MYO1D: variants seen among roughly 807,000 people sequenced by gnomAD.
MYO1D encodes unconventional myosin-Id.
A neutral mutation model predicts 122.0 loss-of-function variants in MYO1D; 83 were observed. The observed-to-expected ratio is 0.68, with a 90% CI of 0.57 to 0.82. The LOEUF (loss-of-function observed/expected upper bound fraction) is 0.82, where lower values mean the gene tolerates loss of function less well. MYO1D is among the 40% of genes least tolerant of loss of function. The pLI, the probability that MYO1D is intolerant of heterozygous loss-of-function variation, is 0.00. For missense variants in MYO1D, 1,157 were observed against 1,269.5 expected (o/e 0.91, Z 1.35); for synonymous variants, 464 against 446.9 (o/e 1.04, Z -0.48).
intron 21 of MYO1D, among the ~76,000 whole-genome samples, chr17:32,591,144 G>A (rs2087435104): frequency 6.6e-6 from 1 of 152,254 alleles, no homozygotes; most frequent in Admixed American, 6.5e-5. Context: ...CCGCTTCTCA[G>A]TGCAGATGGG....
intron 15 of MYO1D, among the ~76,000 whole-genome samples, chr17:32,719,866 G>C (rs1211898294): frequency 2.6e-5 from 4 of 152,142 alleles, no homozygotes; most frequent in Admixed American, 2.6e-4. Flanking sequence ...CCACTGTCCT[G>C]TCAGTGTCCT....
intron 21 of MYO1D, among the ~76,000 whole-genome samples, chr17:32,524,785 A>G (rs1455596317): frequency 6.6e-6 from 1 of 150,924 alleles, no homozygotes; most frequent in Non-Finnish European, 1.5e-5. Flanking sequence ...CTGGTCTTGA[A>G]CTCCTGACCT....
intron 15 of MYO1D, among the ~76,000 whole-genome samples, chr17:32,719,351 CTT>C (rs371411083): frequency 7.3e-5 from 10 of 137,128 alleles, no homozygotes; most frequent in Admixed American, 2.2e-4. Flanking sequence ...TCTCCTTGCC[CTT>C]TTTTTTTTTT....
In MYO1D at chr17:32,592,014, C is replaced by A. The variant is rs1005292861; in HGVS notation, c.2864+13073G>T. Among the ~76,000 whole-genome samples, 6 of 152,178 alleles carry A rather than the reference C, an allele frequency of 3.9e-5. No homozygotes were observed. In the South Asian group the frequency reaches 6.2e-4, roughly 16 times the overall value. ...ATGGAAATACCATCAAGTATTTAAT[C>A]ATGTTTGTTTTGATGAACTTTTATA... On this transcript the variant is annotated intron_variant, in intron 21 of 21. Coordinates refer to ENST00000318217, the MANE Select transcript of MYO1D (RefSeq NM_015194.3).
chr17:32,730,098 AG>A, intron 14 of MYO1D, among the ~76,000 whole-genome samples: 1 of 148,400 alleles, frequency 6.7e-6, no homozygotes. Context: ...TTTTGGGGGC[AG>A]GGAGGATTCT....
At chr17:32,577,709 A>G (rs867191475) in intron 21 of MYO1D, among the ~76,000 whole-genome samples, 3 of 151,962 alleles carry the variant, frequency 2.0e-5, no homozygotes, top group South Asian at 2.1e-4. Flanking sequence ...TCCAACAGAC[A>G]GAACTTTCAA....
intron 17 of MYO1D, among the ~76,000 whole-genome samples, chr17:32,656,424 T>C (rs2088477604): frequency 6.6e-6 from 1 of 152,104 alleles, no homozygotes; most frequent in South Asian, 2.1e-4. Context: ...CTCTACTCAG[T>C]GGAAGGAGAA....
intron 16 of MYO1D, among the ~76,000 whole-genome samples, chr17:32,694,641 C>CA (rs2089147713): frequency 7.7e-6 from 1 of 129,570 alleles, no homozygotes. Context: ...GCGGAGCTTG[C>CA]AGTGAGCCGA....
intron 16 of MYO1D, among the ~76,000 whole-genome samples, chr17:32,691,406 T>TC (rs2089098088): frequency 1.2e-5 from 1 of 82,194 alleles, no homozygotes; most frequent in Non-Finnish European, 2.5e-5. Context: ...AGAAAATTCT[T>TC]TTTTTTTTTT....
At chr17:32,614,683 G>A (rs562497622) in intron 20 of MYO1D, among the ~76,000 whole-genome samples, 2 of 152,310 alleles carry the variant, frequency 1.3e-5, no homozygotes, top group African/African-American at 4.8e-5. Flanking sequence ...GCTCAGCTGT[G>A]TGGGCTCATC....
intron 16 of MYO1D, among the ~76,000 whole-genome samples, chr17:32,678,490 TGA>T (rs2088858197): frequency 6.7e-6 from 1 of 148,166 alleles, no homozygotes; most frequent in Non-Finnish European, 1.5e-5. Flanking sequence ...TTCCCACCTA[TGA>T]GTGAGAATAT....
rs531478308 is a variant in MYO1D at position 32,873,269 on chromosome 17, G to A, written c.95+3509C>T. On this transcript the variant is annotated intron_variant, in intron 1 of 21. Coordinates refer to ENST00000318217, the MANE Select transcript of MYO1D (RefSeq NM_015194.3). ...TGTTGAGAAAACACAGACCCATGAAGCACCTGCAGCCTTGAGTGCTTGACT... is the reference window on the plus strand; with the variant it reads ...TGTTGAGAAAACACAGACCCATGAAACACCTGCAGCCTTGAGTGCTTGACT... 9.9e-5 allele frequency among the ~76,000 whole-genome samples: 15 copies of A among 152,250 alleles called. No homozygotes were observed. The South Asian group carries it at 1.7e-3, about 17-fold the overall frequency.
At chr17:32,500,081 G>A (rs1469868744) in intron 21 of MYO1D, among the ~76,000 whole-genome samples, 1 of 152,252 alleles carries the variant, frequency 6.6e-6, no homozygotes, top group Non-Finnish European at 1.5e-5. Context: ...GGGGAGGGGA[G>A]GCGTCTTACA....
chr17:32,802,844 T>G (rs2090471845), intron 1 of MYO1D, among the ~76,000 whole-genome samples: 1 of 152,232 alleles, frequency 6.6e-6, no homozygotes, highest in Non-Finnish European at 1.5e-5. Flanking sequence ...TACATGATTT[T>G]GTTCTTCAAA....
intron 21 of MYO1D, among the ~76,000 whole-genome samples, chr17:32,535,377 T>C (rs1910630057): frequency 6.6e-6 from 1 of 152,230 alleles, no homozygotes; most frequent in African/African-American, 2.4e-5. Context: ...GTAATAATAA[T>C]TAAAAACACA....
intron 21 of MYO1D, among the ~76,000 whole-genome samples, chr17:32,571,957 C>A (rs995403803): frequency 1.3e-5 from 2 of 152,082 alleles, no homozygotes; most frequent in African/African-American, 4.8e-5. Flanking sequence ...GCTGATATTA[C>A]CTTTCTGAAT....
chr17:32,772,093 C>T (rs1328532997), intron 5 of MYO1D, among the ~76,000 whole-genome samples: 2 of 152,132 alleles, frequency 1.3e-5, no homozygotes, highest in Admixed American at 6.5e-5. Context: ...GACTGAATTG[C>T]ATCCAATTGT....
chr17:32,747,167 G>C (rs1214127967), intron 12 of MYO1D, among the ~76,000 whole-genome samples: 1 of 152,130 alleles, frequency 6.6e-6, no homozygotes, highest in African/African-American at 2.4e-5. Flanking sequence ...TATGGTCCTA[G>C]AATTTTGATT....
chr17:32,615,855 G>T (rs2087763105), intron 20 of MYO1D, among the ~76,000 whole-genome samples: 1 of 152,202 alleles, frequency 6.6e-6, no homozygotes, highest in South Asian at 2.1e-4. Context: ...AGGTATGGGA[G>T]AGTTTATTTT....
Sources: allele counts gnomAD v4.1 joint callset (sites outside exome capture counted in the v4.1 genomes callset), GRCh38; gene constraint gnomAD v4.1.1; transcripts MANE v1.5; gene names NCBI Gene and HGNC (gene_info 2026-07-23, HGNC 2026-07-21).